Variants in PTK2 observed in about 807,000 individuals in gnomAD.
The protein encoded by PTK2 is focal adhesion kinase 1.
PTK2 carries 45 observed loss-of-function variants against 150.1 expected under a neutral mutation model. The observed-to-expected ratio is 0.30, with a 90% CI of 0.24 to 0.38. The LOEUF (loss-of-function observed/expected upper bound fraction) is 0.38, where lower values mean the gene tolerates loss of function less well. Among genes scored for constraint, PTK2 ranks in the 10% least tolerant of loss-of-function variants. The pLI is 1.00. For missense variants in PTK2, 919 were observed against 1,307.3 expected, an observed-to-expected ratio of 0.70 and a Z score of 4.58; for synonymous variants, 432 against 449.2, an observed-to-expected ratio of 0.96 and a Z score of 0.48.
chr8:140,858,427 A>G (rs1403580474), intron 5 of PTK2, among the ~76,000 whole-genome samples: 1 of 140,812 alleles, frequency 7.1e-6, no homozygotes, highest in African/African-American at 2.9e-5. Context: ...GCAAGGGCAG[A>G]AAAAAAAAAA....
intron 1 of PTK2, among the ~76,000 whole-genome samples, chr8:140,968,960 G>A (rs977555636): frequency 5.3e-5 from 8 of 152,208 alleles, no homozygotes; most frequent in African/African-American, 1.7e-4. Flanking sequence ...TGAAACTGGT[G>A]ACCATTACCT....
intron 23 of PTK2, among the ~76,000 whole-genome samples, chr8:140,710,291 C>G (rs1235617833): frequency 6.7e-6 from 1 of 148,628 alleles, no homozygotes; most frequent in Non-Finnish European, 1.5e-5. Context: ...GATCATATCA[C>G]TGCACTCCAG....
At chr8:140,938,098 C>T (rs1020209241) in intron 1 of PTK2, among the ~76,000 whole-genome samples, 7 of 152,148 alleles carry the variant, frequency 4.6e-5, no homozygotes, top group Admixed American at 2.6e-4. Flanking sequence ...AGTACAAAAT[C>T]GAGAGTATCT....
intron 1 of PTK2, among the ~76,000 whole-genome samples, chr8:140,983,658 TGAAGGAAG>T (rs746413640): frequency 8.1e-6 from 1 of 124,156 alleles, no homozygotes; most frequent in Non-Finnish European, 1.6e-5. Context: ...GAGAGGGAAG[TGAAGGAAG>T]GAAGGAAGGA....
At chr8:140,911,318 C>A (rs1487133221) in intron 2 of PTK2, among the ~76,000 whole-genome samples, 2 of 151,982 alleles carry the variant, frequency 1.3e-5, no homozygotes, top group African/African-American at 2.4e-5. Flanking sequence ...CAACTGTTAA[C>A]CATATTGTCT....
intron 10 of PTK2, among the ~76,000 whole-genome samples, chr8:140,810,628 T>G (rs948557025): frequency 1.3e-5 from 2 of 152,172 alleles, no homozygotes; most frequent in Non-Finnish European, 2.9e-5. Flanking sequence ...CTGGCACCTG[T>G]GTACGCAGGC....
intron 1 of PTK2, among the ~76,000 whole-genome samples, chr8:140,954,031 G>C (rs930305646): frequency 6.6e-6 from 1 of 151,360 alleles, no homozygotes; most frequent in Non-Finnish European, 1.5e-5. Context: ...GCAGTGGCAC[G>C]ATCTCGGCTC....
intron 10 of PTK2, among the ~76,000 whole-genome samples, chr8:140,805,388 G>A (rs373932744): frequency 3.4e-4 from 52 of 151,894 alleles, no homozygotes; most frequent in African/African-American, 1.2e-3. Flanking sequence ...GTGAAACCCC[G>A]TCACTACTAA....
At chr8:140,755,509 A>T (rs2100065156) in intron 16 of PTK2, among the ~76,000 whole-genome samples, 1 of 152,144 alleles carries the variant, frequency 6.6e-6, no homozygotes, top group African/African-American at 2.4e-5. Context: ...TGCCTAGAAC[A>T]GGCTTCCCCA....
At chr8:141,000,372 G>C (rs1231999858) in intron 1 of PTK2, among the ~76,000 whole-genome samples, 1 of 152,196 alleles carries the variant, frequency 6.6e-6, no homozygotes, top group African/African-American at 2.4e-5. Context: ...TTGGGGCTCG[G>C]GCACCGGCAG....
chr8:140,756,992 A>T (rs563887824), intron 16 of PTK2, among the ~76,000 whole-genome samples: 10 of 152,186 alleles, frequency 6.6e-5, no homozygotes, highest in Non-Finnish European at 1.5e-4. Flanking sequence ...CCGTCTCAAA[A>T]AAAAAAAAAG....
At chr8:140,663,408 T>C (rs544525029) in intron 31 of PTK2, among the ~76,000 whole-genome samples, 1 of 152,362 alleles carries the variant, frequency 6.6e-6, no homozygotes, top group Non-Finnish European at 1.5e-5. Context: ...GAACTGCCCA[T>C]GCTTCCCTAG....
At chr8:140,687,843 C>T (rs2100020885) in intron 26 of PTK2, among the ~76,000 whole-genome samples, 1 of 152,166 alleles carries the variant, frequency 6.6e-6, no homozygotes, top group Admixed American at 6.5e-5. Context: ...GAGGTAAAAA[C>T]AAACTTTCCA....
chr8:140,935,604 CTCTA>C (rs2100173326), intron 1 of PTK2, among the ~76,000 whole-genome samples: 2 of 152,040 alleles, frequency 1.3e-5, no homozygotes, highest in African/African-American at 2.4e-5. Context: ...TTGCAAAGAC[CTCTA>C]TCTGAGATTC....
intron 14 of PTK2, among the ~76,000 whole-genome samples, chr8:140,786,690 T>C (rs980374632): frequency 1.3e-5 from 2 of 151,922 alleles, no homozygotes; most frequent in African/African-American, 4.8e-5. Context: ...TCCACCTAAG[T>C]AAGCAAGCAG....
At chr8:140,913,656 C>A (rs189121059) in intron 2 of PTK2, among the ~76,000 whole-genome samples, 2 of 152,182 alleles carry the variant, frequency 1.3e-5, no homozygotes, top group African/African-American at 4.8e-5. Flanking sequence ...AACACCCAGA[C>A]CACCACATTA....
chr8:140,693,947 T>C (rs2100024793), intron 26 of PTK2, among the ~76,000 whole-genome samples: 1 of 152,094 alleles, frequency 6.6e-6, no homozygotes, highest in African/African-American at 2.4e-5. Context: ...CTGAAGTAAA[T>C]GGCAGGGCCA....
At chr8:140,666,094 T>C (rs1357073245) in intron 30 of PTK2, among the ~76,000 whole-genome samples, 3 of 152,138 alleles carry the variant, frequency 2.0e-5, no homozygotes, top group Admixed American at 1.3e-4. Context: ...TCCCAGGACT[T>C]TGGGAGGCCG....
chr8:140,806,134 G>A (rs777910916), intron 10 of PTK2, among the ~76,000 whole-genome samples: 1 of 152,192 alleles, frequency 6.6e-6, no homozygotes, highest in Non-Finnish European at 1.5e-5. Context: ...ATGTCCTGGT[G>A]TGTATTTATG....
Sources: gnomAD v4.1 joint callset for allele counts (sites outside exome capture counted in the v4.1 genomes callset) on GRCh38, gnomAD v4.1.1 for gene constraint, MANE v1.5 for transcripts, NCBI Gene and HGNC (gene_info 2026-07-23, HGNC 2026-07-21) for gene names.